Variants in GFRA1 observed in about 807,000 individuals in gnomAD.
GFRA1 encodes GDNF family receptor alpha-1.
A neutral mutation model predicts 51.6 loss-of-function variants in GFRA1; 16 were observed. The observed-to-expected ratio is 0.31, with a 90% CI of 0.21 to 0.47. The LOEUF (loss-of-function observed/expected upper bound fraction) is 0.47. Ranked by LOEUF, GFRA1 falls within the 20% of genes least tolerant of loss-of-function variation. The probability of loss-of-function intolerance (pLI) is 1.00; values close to 1 mark genes in which losing one functional copy is unlikely to be tolerated. For missense variants in GFRA1, 530 were observed against 594.3 expected (o/e 0.89, Z 1.13); for synonymous variants, 270 against 241.3 (o/e 1.12, Z -1.10).
chr10:116,127,666 G>A (rs916166058), intron 5 of GFRA1, among the ~76,000 whole-genome samples: 2 of 152,150 alleles, frequency 1.3e-5, no homozygotes, highest in African/African-American at 4.8e-5. Context: ...AGGCTTCTCA[G>A]GACTCAGGAG....
intron 8 of GFRA1, among the ~76,000 whole-genome samples, chr10:116,092,098 C>CATACGT (rs1956368541): frequency 1.3e-5 from 1 of 76,290 alleles, no homozygotes; most frequent in Non-Finnish European, 2.3e-5. Flanking sequence ...TACATACGTA[C>CATACGT]ACACACACAC....
intron 4 of GFRA1, among the ~76,000 whole-genome samples, chr10:116,255,240 G>T (rs1397690571): frequency 6.6e-6 from 1 of 152,172 alleles, no homozygotes; most frequent in Non-Finnish European, 1.5e-5. Flanking sequence ...ATGTGAAGCT[G>T]CACCCGCTTA....
chr10:116,130,819 A>C (rs1282207128), intron 5 of GFRA1, among the ~76,000 whole-genome samples: 1 of 152,188 alleles, frequency 6.6e-6, no homozygotes, highest in Non-Finnish European at 1.5e-5. Context: ...AGCTAAAATC[A>C]TAAAGCTTTT....
intron 5 of GFRA1, among the ~76,000 whole-genome samples, chr10:116,171,331 A>G (rs12766874): frequency 0.013 from 1,952 of 152,316 alleles, 12 homozygotes; most frequent in Non-Finnish European, 0.019. Flanking sequence ...CATTTTAAGC[A>G]TTTTTATCAA....
intron 9 of GFRA1, among the ~76,000 whole-genome samples, chr10:116,084,125 AC>A (rs1955982977): frequency 6.6e-6 from 1 of 152,122 alleles, no homozygotes; most frequent in Non-Finnish European, 1.5e-5. Flanking sequence ...CGGTGTCTCT[AC>A]TGTGAACCCC....
chr10:116,090,859 A>C (rs1056342152), intron 8 of GFRA1, among the ~76,000 whole-genome samples: 2 of 152,224 alleles, frequency 1.3e-5, no homozygotes, highest in African/African-American at 4.8e-5. Context: ...TTTAAGCCTA[A>C]TCTTCCTCTT....
intron 5 of GFRA1, among the ~76,000 whole-genome samples, chr10:116,161,825 C>T (rs777406593): frequency 9.9e-5 from 15 of 152,134 alleles, no homozygotes; most frequent in African/African-American, 2.4e-4. Context: ...GTTTTATTAG[C>T]GTGTGAAAAC....
intron 5 of GFRA1, among the ~76,000 whole-genome samples, chr10:116,166,040 C>T (rs1365990142): frequency 1.3e-5 from 2 of 152,210 alleles, no homozygotes; most frequent in African/African-American, 4.8e-5. Context: ...CAAGTGAGAA[C>T]ATGCAGTATT....
chr10:116,163,741 C>T (rs1960079858), intron 5 of GFRA1, among the ~76,000 whole-genome samples: 1 of 152,056 alleles, frequency 6.6e-6, no homozygotes, highest in Non-Finnish European at 1.5e-5. Flanking sequence ...GTTTGTGAGC[C>T]ACGGAGGCAG....
intron 5 of GFRA1, among the ~76,000 whole-genome samples, chr10:116,197,541 T>C (rs559550707): frequency 1.3e-5 from 2 of 152,322 alleles, no homozygotes; most frequent in Admixed American, 1.3e-4. Context: ...TGCATATGTG[T>C]GTATATCTGT....
rs750121884 is a variant in GFRA1, at chr10:116,230,404, T to C, written c.419-18759A>G. Reference sequence around the variant, plus strand: ...GAAGGAGCTGGATTCCAAATTAGTCTCTCTCATGCCAAAGGCCAAGCTCTT... The same window carrying C: ...GAAGGAGCTGGATTCCAAATTAGTCCCTCTCATGCCAAAGGCCAAGCTCTT... On this transcript the variant is annotated intron_variant, in intron 4 of 10. Coordinates refer to ENST00000355422, the MANE Select transcript of GFRA1 (RefSeq NM_005264.8). 1.2e-4 allele frequency among the ~76,000 whole-genome samples: 18 copies of C among 152,204 alleles called. No homozygotes were observed. In the South Asian group the frequency reaches 1.2e-3, roughly 11 times the overall value.
chr10:116,090,037 T>C (rs1956268870), intron 8 of GFRA1, 115 bp from the exon 9 acceptor site: 1 of 961,726 alleles, frequency 1.0e-6, no homozygotes, highest in Non-Finnish European at 1.6e-6. Context: ...TGGACTTCTC[T>C]GAACAAAACG....
chr10:116,193,978 G>C (rs1475370421), intron 5 of GFRA1, among the ~76,000 whole-genome samples: 3 of 150,936 alleles, frequency 2.0e-5, no homozygotes, highest in Non-Finnish European at 4.4e-5. Context: ...GGCAGAGCTT[G>C]CAGTGAGCCG....
intron 7 of GFRA1, among the ~76,000 whole-genome samples, chr10:116,096,431 C>T (rs550476913): frequency 6.6e-6 from 1 of 152,268 alleles, no homozygotes; most frequent in South Asian, 2.1e-4. Flanking sequence ...CCTTAGTAAT[C>T]CCCGCTTCCT....
intron 4 of GFRA1, among the ~76,000 whole-genome samples, chr10:116,268,442 C>G (rs1331955316): frequency 6.6e-6 from 1 of 152,200 alleles, no homozygotes; most frequent in Non-Finnish European, 1.5e-5. Flanking sequence ...AAGGTGATGA[C>G]TGGCTCACTG....
At chr10:116,192,660 C>T (rs1162603603) in intron 5 of GFRA1, among the ~76,000 whole-genome samples, 1 of 152,174 alleles carries the variant, frequency 6.6e-6, no homozygotes, top group Non-Finnish European at 1.5e-5. Context: ...CCAGCTCCTG[C>T]CCATCTGGTG....
chr10:116,134,484 C>T (rs1958236795), intron 5 of GFRA1, among the ~76,000 whole-genome samples: 1 of 152,104 alleles, frequency 6.6e-6, no homozygotes, highest in South Asian at 2.1e-4. Flanking sequence ...AGGTTGTGAC[C>T]CTTGTAACTG....
chr10:116,133,957 C>T (rs1325016277), intron 5 of GFRA1, among the ~76,000 whole-genome samples: 1 of 152,186 alleles, frequency 6.6e-6, no homozygotes, highest in Non-Finnish European at 1.5e-5. Context: ...ATCACTGTGG[C>T]CAGCAGCCCT....
chr10:116,146,323 G>A (rs900011079), intron 5 of GFRA1, among the ~76,000 whole-genome samples: 1 of 152,198 alleles, frequency 6.6e-6, no homozygotes, highest in African/African-American at 2.4e-5. Flanking sequence ...AATTGTATAT[G>A]CTACATCATC....
Sources: allele counts gnomAD v4.1 joint callset (sites outside exome capture counted in the v4.1 genomes callset), GRCh38; gene constraint gnomAD v4.1.1; transcripts MANE v1.5; gene names NCBI Gene and HGNC (gene_info 2026-07-23, HGNC 2026-07-21).